TMEM132D: variants seen among roughly 807,000 people sequenced by gnomAD.
TMEM132D encodes mature OL transmembrane protein.
TMEM132D carries 21 observed loss-of-function variants against 62.3 expected under a neutral mutation model. The ratio of observed to expected loss-of-function variants is 0.34; its 90% CI spans 0.24 to 0.49. The LOEUF is 0.49. TMEM132D is among the 20% of genes least tolerant of loss of function. The pLI, the probability that TMEM132D is intolerant of heterozygous loss-of-function variation, is 0.99. For missense variants in TMEM132D, 1,346 were observed against 1,402.8 expected (o/e 0.96, Z 0.65); for synonymous variants, 621 against 575.6 (o/e 1.08, Z -1.13).
chr12:129,334,422 A>C lies in TMEM132D; in HGVS notation c.1299+3212T>G, dbSNP rs923010586. Reference sequence around the variant, plus strand: ...AAAAGCAAAGTAATTTAATAACGGCAACCACATCCCCTGCATGACAACACT... The same window carrying C: ...AAAAGCAAAGTAATTTAATAACGGCCACCACATCCCCTGCATGACAACACT... On this transcript the variant is annotated intron_variant, in intron 4 of 8. Coordinates refer to ENST00000422113, the MANE Select transcript of TMEM132D (RefSeq NM_133448.3). Among the ~76,000 whole-genome samples, 3 of 149,092 alleles carry C rather than the reference A, an allele frequency of 2.0e-5. 1 individual carries two copies. Among genetic ancestry groups the C allele is most frequent in the Admixed American group, 2.0e-4 (3 of 15,170 alleles).
At chr12:129,241,340 T>C (rs963106318) in intron 4 of TMEM132D, among the ~76,000 whole-genome samples, 1 of 152,184 alleles carries the variant, frequency 6.6e-6, no homozygotes, top group African/African-American at 2.4e-5. Flanking sequence ...TCTGATTGCC[T>C]TGGAACGGCA....
intron 1 of TMEM132D, among the ~76,000 whole-genome samples, chr12:129,765,725 C>T (rs1209146880): frequency 6.6e-6 from 1 of 152,156 alleles, no homozygotes; most frequent in Non-Finnish European, 1.5e-5. Context: ...ATACTTGTAC[C>T]TGTTCTTTGG....
chr12:129,291,595 A>C (rs552606634), intron 4 of TMEM132D, among the ~76,000 whole-genome samples: 1 of 152,334 alleles, frequency 6.6e-6, no homozygotes, highest in East Asian at 1.9e-4. Context: ...AATGTCTGTA[A>C]AATTTGGAAC....
chr12:129,790,740 C>A (rs1871380645), intron 1 of TMEM132D, among the ~76,000 whole-genome samples: 1 of 152,158 alleles, frequency 6.6e-6, no homozygotes, highest in African/African-American at 2.4e-5. Flanking sequence ...GAGGGTCGGG[C>A]CCTCACCAGG....
intron 1 of TMEM132D, among the ~76,000 whole-genome samples, chr12:129,764,215 C>A (rs1431661363): frequency 6.6e-6 from 1 of 152,128 alleles, no homozygotes; most frequent in East Asian, 1.9e-4. Flanking sequence ...ATTAATTTTT[C>A]TTTCTCTTGC....
At chr12:129,549,196 G>T (rs2137104278) in intron 2 of TMEM132D, among the ~76,000 whole-genome samples, 1 of 151,684 alleles carries the variant, frequency 6.6e-6, no homozygotes, top group South Asian at 2.1e-4. Flanking sequence ...TAAGTCTCAT[G>T]GGATCTGATG....
intron 2 of TMEM132D, among the ~76,000 whole-genome samples, chr12:129,576,394 GAAC>G (rs1229407213): frequency 1.3e-5 from 2 of 151,752 alleles, no homozygotes; most frequent in East Asian, 3.8e-4. Flanking sequence ...CAGAGAAACA[GAAC>G]AACAGAATAT....
chr12:129,894,022 G>A (rs931143364), intron 1 of TMEM132D, among the ~76,000 whole-genome samples: 4 of 152,208 alleles, frequency 2.6e-5, no homozygotes, highest in Admixed American at 1.3e-4. Context: ...GAGGCTGGGC[G>A]TGAAGTCATT....
intron 4 of TMEM132D, among the ~76,000 whole-genome samples, chr12:129,335,117 C>T (rs1365639251): frequency 7.0e-6 from 1 of 143,268 alleles, no homozygotes; most frequent in Non-Finnish European, 1.5e-5. Flanking sequence ...GCTGGGTACT[C>T]TAATAAGTAC....
chr12:129,726,678 A>T (rs1331172055), intron 1 of TMEM132D, among the ~76,000 whole-genome samples: 2 of 152,132 alleles, frequency 1.3e-5, no homozygotes, highest in Non-Finnish European at 2.9e-5. Flanking sequence ...GGGTGAGGGT[A>T]AAGTGGGGAG....
chr12:129,284,438 T>A (rs2135612931), intron 4 of TMEM132D, among the ~76,000 whole-genome samples: 1 of 152,378 alleles, frequency 6.6e-6, no homozygotes, highest in South Asian at 2.1e-4. Flanking sequence ...TCTAGTGATG[T>A]CTCTGAACAA....
intron 2 of TMEM132D, among the ~76,000 whole-genome samples, chr12:129,552,601 C>G (rs920393730): frequency 6.7e-6 from 1 of 149,006 alleles, no homozygotes; most frequent in Admixed American, 6.9e-5. Flanking sequence ...TATTTTCTAT[C>G]TATTATTTAT....
intron 4 of TMEM132D, among the ~76,000 whole-genome samples, chr12:129,333,853 G>A (rs2135653709): frequency 6.6e-6 from 1 of 152,324 alleles, no homozygotes; most frequent in East Asian, 1.9e-4. Flanking sequence ...AGGTATGGTG[G>A]CTCATGCCTG....
rs540960823 is a variant in TMEM132D, at chr12:129,255,641, T to C, written c.1300-45978A>G. Among the ~76,000 whole-genome samples the C allele has an allele frequency of 9.2e-5, 14 of 152,362 alleles. No individual in the cohort carries two copies. The East Asian group carries it at 2.7e-3, about 29-fold the overall frequency. ...TCTGTGTTTATACCTGGCAATCTTATGACTTTACGTGTCCTCAACCTTCAC... is the reference window on the plus strand; with the variant it reads ...TCTGTGTTTATACCTGGCAATCTTACGACTTTACGTGTCCTCAACCTTCAC... On this transcript the variant is annotated intron_variant, in intron 4 of 8. Coordinates refer to ENST00000422113, the MANE Select transcript of TMEM132D (RefSeq NM_133448.3).
intron 2 of TMEM132D, among the ~76,000 whole-genome samples, chr12:129,576,938 T>A (rs561916261): frequency 1.3e-5 from 2 of 151,896 alleles, no homozygotes; most frequent in African/African-American, 4.9e-5. Flanking sequence ...GTTTACAAGA[T>A]GAATTGTCTG....
At chr12:129,882,690 A>G (rs1029327611) in intron 1 of TMEM132D, among the ~76,000 whole-genome samples, 2 of 152,222 alleles carry the variant, frequency 1.3e-5, no homozygotes, top group Non-Finnish European at 2.9e-5. Flanking sequence ...ATATGTACTG[A>G]ATCATCACTA....
At chr12:129,501,240 T>C (rs909878281) in intron 3 of TMEM132D, among the ~76,000 whole-genome samples, 5 of 152,080 alleles carry the variant, frequency 3.3e-5, no homozygotes, top group Admixed American at 3.3e-4. Flanking sequence ...CCCCTCAGAT[T>C]AGAAAAAGGA....
intron 1 of TMEM132D, among the ~76,000 whole-genome samples, chr12:129,828,303 T>A (rs528428143): frequency 1.2e-3 from 181 of 152,264 alleles, no homozygotes; most frequent in African/African-American, 3.9e-3. Flanking sequence ...TGCTTCTCCA[T>A]TACATAAATA....
intron 4 of TMEM132D, among the ~76,000 whole-genome samples, chr12:129,216,913 C>A (rs1399026939): frequency 6.6e-6 from 1 of 152,172 alleles, no homozygotes; most frequent in Non-Finnish European, 1.5e-5. Context: ...CTCATGATTT[C>A]TTATCGGTCT....
Sources: gnomAD v4.1 joint callset for allele counts (sites outside exome capture counted in the v4.1 genomes callset) on GRCh38, gnomAD v4.1.1 for gene constraint, MANE v1.5 for transcripts, NCBI Gene and HGNC (gene_info 2026-07-23, HGNC 2026-07-21) for gene names.